The following QTMAN variants were observed in gnomAD, a reference collection of about 807,000 sequenced individuals.
QTMAN encodes the protein tRNA-queuosine alpha-mannosyltransferase.
the QTMAN span, among the ~76,000 whole-genome samples, chr2:144,085,060 G>A: frequency 2.0e-5 from 3 of 152,302 alleles, no homozygotes; most frequent in East Asian, 5.8e-4. Flanking sequence ...CTGCTCTAAA[G>A]CTTAAAAGGC....
chr2:144,148,634 T>A, the QTMAN span, among the ~76,000 whole-genome samples: 5 of 151,856 alleles, frequency 3.3e-5, no homozygotes, highest in Non-Finnish European at 7.4e-5. Flanking sequence ...CTATAGCTAA[T>A]GTTTAACCGA....
chr2:144,180,199 C>T, the QTMAN span, among the ~76,000 whole-genome samples: 1 of 152,150 alleles, frequency 6.6e-6, no homozygotes, highest in South Asian at 2.1e-4. Context: ...GCACTGAACG[C>T]TCACTGTTTG....
At chr2:144,206,646 G>C in the QTMAN span, among the ~76,000 whole-genome samples, 7,737 of 152,160 alleles carry the variant, frequency 0.051, 263 homozygotes, top group Non-Finnish European at 0.073. Flanking sequence ...TATGGCTATC[G>C]CAGAGTAAGG....
At chr2:144,022,538 T>C in the QTMAN span, among the ~76,000 whole-genome samples, 1 of 150,726 alleles carries the variant, frequency 6.6e-6, no homozygotes, top group Non-Finnish European at 1.5e-5. Flanking sequence ...CCAATTCTCA[T>C]TCTATCTCTC....
chr2:144,106,853 G>C, the QTMAN span, among the ~76,000 whole-genome samples: 2 of 152,174 alleles, frequency 1.3e-5, no homozygotes, highest in Non-Finnish European at 2.9e-5. Context: ...CACAGAGTTG[G>C]AAGTAAAGCT....
chr2:143,971,563 C>T, the QTMAN span, among the ~76,000 whole-genome samples: 5 of 152,000 alleles, frequency 3.3e-5, no homozygotes, highest in African/African-American at 4.8e-5. Flanking sequence ...AAACAAATCA[C>T]ATCAAAATGA....
chr2:144,246,514 C>A, the QTMAN span, among the ~76,000 whole-genome samples: 21,145 of 142,534 alleles, frequency 0.15, 2,417 homozygotes, highest in African/African-American at 0.33. Flanking sequence ...CGGAGCTTGC[C>A]GTGAGCCGAG....
the QTMAN span, among the ~76,000 whole-genome samples, chr2:144,094,923 T>G: frequency 2.6e-5 from 4 of 152,226 alleles, no homozygotes; most frequent in African/African-American, 9.6e-5. Context: ...GGAAATTTTT[T>G]ACCCTTGAGG....
the QTMAN span, among the ~76,000 whole-genome samples, chr2:144,086,643 T>TC: frequency 1.3e-5 from 2 of 152,268 alleles, no homozygotes; most frequent in South Asian, 4.1e-4. Context: ...ACTCAAAGTT[T>TC]CCAAACTACT....
chr2:144,017,536 T>C, the QTMAN span, among the ~76,000 whole-genome samples: 1 of 152,172 alleles, frequency 6.6e-6, no homozygotes, highest in Non-Finnish European at 1.5e-5. Context: ...CAAAATGGCA[T>C]AAAGGGGTCT....
the QTMAN span, among the ~76,000 whole-genome samples, chr2:144,299,159 T>C: frequency 1.3e-5 from 2 of 152,282 alleles, no homozygotes; most frequent in South Asian, 4.1e-4. Flanking sequence ...AAGATAAAGT[T>C]TAGTTGAAAC....
chr2:144,002,791 T>C, the QTMAN span, among the ~76,000 whole-genome samples: 1 of 151,906 alleles, frequency 6.6e-6, no homozygotes, highest in South Asian at 2.1e-4. Context: ...AACTCCTACT[T>C]GTCAAGTTTT....
chr2:144,063,870 A>T, the QTMAN span, among the ~76,000 whole-genome samples: 1 of 152,196 alleles, frequency 6.6e-6, no homozygotes, highest in Non-Finnish European at 1.5e-5. Context: ...GCCTAATGAA[A>T]ATCAGGCAGA....
the QTMAN span, among the ~76,000 whole-genome samples, chr2:144,196,803 T>C: frequency 9.5e-4 from 144 of 152,304 alleles, 2 homozygotes; most frequent in East Asian, 0.02. Context: ...GCAGAAACTT[T>C]ACTCATTCAT....
chr2:143,955,579 C>T, the QTMAN span, among the ~76,000 whole-genome samples: 3 of 152,182 alleles, frequency 2.0e-5, no homozygotes, highest in Non-Finnish European at 2.9e-5. Context: ...ATGTACTGGA[C>T]TGTTACAATC....
chr2:144,146,546 A>T, the QTMAN span, among the ~76,000 whole-genome samples: 1 of 151,828 alleles, frequency 6.6e-6, no homozygotes, highest in Admixed American at 6.6e-5. Flanking sequence ...AACCAGGAAG[A>T]ACAGAAAAGA....
the QTMAN span, among the ~76,000 whole-genome samples, chr2:144,059,805 A>G: frequency 6.6e-6 from 1 of 152,096 alleles, no homozygotes. Context: ...TTCTGCTGGA[A>G]TGCTCGTCCC....
the QTMAN span, among the ~76,000 whole-genome samples, chr2:144,096,055 C>G: frequency 2.6e-5 from 4 of 152,190 alleles, no homozygotes; most frequent in Non-Finnish European, 5.9e-5. Context: ...AAAACAAACT[C>G]TCTCAGCCCT....
chr2:144,013,168 G>A, the QTMAN span, among the ~76,000 whole-genome samples: 2 of 152,248 alleles, frequency 1.3e-5, no homozygotes, highest in African/African-American at 4.8e-5. Flanking sequence ...CAAAGTACAT[G>A]TTACTATATA....
Sources: gnomAD v4.1 joint callset for allele counts (sites outside exome capture counted in the v4.1 genomes callset) on GRCh38, gnomAD v4.1.1 for gene constraint, MANE v1.5 for transcripts, NCBI Gene and HGNC (gene_info 2026-07-23, HGNC 2026-07-21) for gene names.